CAPZA1: variants seen among roughly 807,000 people sequenced by gnomAD.
CAPZA1 encodes the protein capping actin protein of muscle Z-line subunit alpha 1.
In CAPZA1, 10 loss-of-function variants were observed where a neutral mutation model predicts 40.8. That is an observed-to-expected ratio of 0.25 (90% CI 0.15 to 0.42). The LOEUF is 0.42. Ranked by LOEUF, CAPZA1 falls within the 10% of genes least tolerant of loss-of-function variation. The pLI is 1.00. For synonymous variants in CAPZA1, 98 were observed against 115.0 expected, an observed-to-expected ratio of 0.85 and a Z score of 0.95; for missense variants, 277 against 353.8, an observed-to-expected ratio of 0.78 and a Z score of 1.74.
At chr1:112,631,608 C>G (rs1670917234) in intron 1 of CAPZA1, among the ~76,000 whole-genome samples, 1 of 152,194 alleles carries the variant, frequency 6.6e-6, no homozygotes, top group African/African-American at 2.4e-5. Flanking sequence ...TTGTTTCCCA[C>G]TGCTGCTTTT....
intron 1 of CAPZA1, among the ~76,000 whole-genome samples, chr1:112,640,658 C>G (rs958762887): frequency 3.9e-5 from 6 of 152,276 alleles, no homozygotes; most frequent in African/African-American, 1.4e-4. Flanking sequence ...GTGCCTCTGC[C>G]CGGCCGCCCC....
chr1:112,643,407 G>A (rs910459887), intron 1 of CAPZA1, among the ~76,000 whole-genome samples: 1 of 152,148 alleles, frequency 6.6e-6, no homozygotes, highest in Non-Finnish European at 1.5e-5. Flanking sequence ...TCAAGGCAGG[G>A]TTCTAAAACT....
chr1:112,647,244 C>T lies in CAPZA1; in HGVS notation c.74C>T (p.Pro25Leu). The stretch of plus-strand genomic sequence containing the variant: ...GCTGCTAAATTCATCACTCATGCAC[C>T]CCCAGGGGAATTTAATGAAGTATTC... ...RIAAKFITHA[P>L]PGEFNEVFND... Residue 25 changes from proline to leucine, a missense_variant, in exon 2 of 10, where the codon CCC (proline) becomes CTC (leucine). Pro to Leu is a moderately conservative substitution (Grantham distance 98, BLOSUM62 -3). This residue lies in a region of CAPZA1 where 85 missense variants were observed against 76.5 expected (regional missense o/e 1.11). Coordinates refer to ENST00000263168, the MANE Select transcript of CAPZA1 (RefSeq NM_006135.3). The T allele has an allele frequency of 6.6e-7, 1 of 1,523,340 alleles. No homozygotes were observed. The allele number at this position is 1,523,340 out of a possible 1,614,324, so 94.4% of individuals were successfully genotyped here.
At chr1:112,658,763 T>A (rs1406996434) in intron 5 of CAPZA1, among the ~76,000 whole-genome samples, 1 of 152,252 alleles carries the variant, frequency 6.6e-6, no homozygotes, top group Non-Finnish European at 1.5e-5. Flanking sequence ...CTGTCTTGTA[T>A]GACCCAGCCT....
chr1:112,663,725 G>A (rs995288595), intron 7 of CAPZA1, among the ~76,000 whole-genome samples: 1 of 151,538 alleles, frequency 6.6e-6, no homozygotes, highest in Non-Finnish European at 1.5e-5. Flanking sequence ...GGCTGGTCTC[G>A]AACTCCTGAC....
In CAPZA1 at chr1:112,670,367, T is replaced by C. The variant is rs72984529; in HGVS notation, c.*235T>C. The C allele has an allele frequency of 1.0e-2, 3,985 of 399,584 alleles. 78 individuals carry two copies. The highest frequency in any genetic ancestry group is 0.059 in the East Asian group (1,218 of 20,564). The allele number at this position is 399,584 out of a possible 1,614,324, so 24.8% of individuals were successfully genotyped here. ...CTACGTGTAAATCTTTTTTTCTTTT[T>C]TTTTTTTTTTTTTTGGTTAATTCTG... On this transcript the variant is annotated 3_prime_UTR_variant, in exon 10 of 10. Transcript: ENST00000263168.
intron 1 of CAPZA1, among the ~76,000 whole-genome samples, chr1:112,622,734 A>T (rs1557724491): frequency 6.6e-6 from 1 of 152,216 alleles, no homozygotes; most frequent in Admixed American, 6.5e-5. Context: ...TATTAAGAAA[A>T]ACTACATGCT....
At chr1:112,621,430 C>A (rs1670660297) in intron 1 of CAPZA1, among the ~76,000 whole-genome samples, 2 of 151,624 alleles carry the variant, frequency 1.3e-5, no homozygotes, top group African/African-American at 4.8e-5. Context: ...TTTTGTATTT[C>A]TTGTAGAGAG....
intron 1 of CAPZA1, among the ~76,000 whole-genome samples, chr1:112,630,163 C>G (rs894818319): frequency 3.9e-5 from 6 of 152,020 alleles, no homozygotes; most frequent in Admixed American, 3.9e-4. Context: ...CCACCTCAGC[C>G]TTTCTAATGA....
chr1:112,626,910 A>G (rs1670818899), intron 1 of CAPZA1, among the ~76,000 whole-genome samples: 1 of 152,268 alleles, frequency 6.6e-6, no homozygotes, highest in African/African-American at 2.4e-5. Flanking sequence ...AGAAAACAGC[A>G]TAATGGCAGA....
chr1:112,662,547 C>T (rs144774551), intron 7 of CAPZA1, among the ~76,000 whole-genome samples: 2,050 of 151,456 alleles, frequency 0.014, 24 homozygotes, highest in Non-Finnish European at 0.021. Context: ...CACAGGCGCC[C>T]GCCACCATAC....
intron 7 of CAPZA1, among the ~76,000 whole-genome samples, chr1:112,665,434 C>G (rs1383288266): frequency 1.3e-5 from 2 of 152,048 alleles, no homozygotes; most frequent in Non-Finnish European, 2.9e-5. Flanking sequence ...CCCGCCTTGG[C>G]CTCCCAAAGT....
intron 1 of CAPZA1, among the ~76,000 whole-genome samples, chr1:112,640,322 T>G (rs1570709388): frequency 4.0e-5 from 4 of 101,044 alleles, no homozygotes; most frequent in Non-Finnish European, 4.0e-5. Context: ...GGTGGGGGGG[T>G]CAGCCCCCCG....
rs1031155730 is a variant in CAPZA1, at chr1:112,668,017, G to A, written c.657+872G>A. Among the ~76,000 whole-genome samples the A allele has an allele frequency of 5.3e-5, 8 of 151,894 alleles. No individual in the cohort carries two copies. The East Asian group carries it at 1.4e-3, about 26-fold the overall frequency. ...CTGAGAAGTGTGGGCCGGGAGTGGT[G>A]GCTCACACCTGTAATCCCAGCACTT... is the stretch of plus-strand genomic sequence containing the variant. On this transcript the variant is annotated intron_variant, in intron 8 of 9. Coordinates refer to ENST00000263168, the MANE Select transcript of CAPZA1 (RefSeq NM_006135.3).
Position 112,667,125 on chromosome 1 carries a change from C to T in CAPZA1, c.637C>T (p.Gln213Ter). ...NVQLVSHKDVQDSLTVSNEAQ... is the reference protein window; with the variant it reads ...NVQLVSHKDV ...TCAGTTGGTTAGTCATAAAGATGTA[C>T]AGGATTCACTAACTGTTTCGGTGAG... The change falls in exon 8 of 10, where the codon CAG becomes TAG. Residue 213 changes from glutamine (Q) to a stop codon, truncating the protein, a stop_gained. Transcript: ENST00000263168. LOFTEE classifies it high-confidence loss of function. 6.2e-7 allele frequency: 1 copy of T among 1,609,276 alleles called. No homozygotes were observed. The highest frequency in any genetic ancestry group is 8.5e-7 in the Non-Finnish European group (1 of 1,176,486).
intron 5 of CAPZA1, among the ~76,000 whole-genome samples, chr1:112,655,742 T>C (rs1270218160): frequency 1.3e-5 from 2 of 152,048 alleles, no homozygotes; most frequent in Non-Finnish European, 2.9e-5. Flanking sequence ...TTTATATTTT[T>C]AGTAGAGACA....
At chr1:112,635,874 C>T (rs1403726934) in intron 1 of CAPZA1, among the ~76,000 whole-genome samples, 2 of 151,990 alleles carry the variant, frequency 1.3e-5, no homozygotes, top group Non-Finnish European at 2.9e-5. Flanking sequence ...ACTAAAAATG[C>T]AAAAATTAGC....
chr1:112,628,743 A>G (rs1670862179), intron 1 of CAPZA1, among the ~76,000 whole-genome samples: 1 of 152,210 alleles, frequency 6.6e-6, no homozygotes, highest in Non-Finnish European at 1.5e-5. Context: ...CTTCTCCTAC[A>G]GTCTGCCCGC....
In CAPZA1 at chr1:112,647,223, C is replaced by A; in HGVS notation, c.53C>A (p.Ala18Asp). Residue 18 changes from alanine (A) to aspartate (D), a missense_variant, in exon 2 of 10, where the codon GCT becomes GAT. Physicochemically the swap from Ala to Asp is moderately radical, Grantham distance 126. This residue lies in a region of CAPZA1 where 85 missense variants were observed against 76.5 expected (regional missense o/e 1.11). Coordinates refer to ENST00000263168, the MANE Select transcript of CAPZA1 (RefSeq NM_006135.3). ...VSDEEKVRIA[A>D]KFITHAPPGE... ...GTTTCTCTTTAGGTACGCATAGCTGCTAAATTCATCACTCATGCACCCCCA... is the reference window on the plus strand; with the variant it reads ...GTTTCTCTTTAGGTACGCATAGCTGATAAATTCATCACTCATGCACCCCCA... 6.5e-7 allele frequency: 1 copy of A among 1,529,280 alleles called. No homozygotes were observed. The highest frequency in any genetic ancestry group is 8.9e-7 in the Non-Finnish European group (1 of 1,129,482). The allele number at this position is 1,529,280 out of a possible 1,614,324, so 94.7% of individuals were successfully genotyped here.
Sources: allele counts gnomAD v4.1 joint callset (sites outside exome capture counted in the v4.1 genomes callset), GRCh38; gene constraint gnomAD v4.1.1; regional missense constraint gnomAD v4.1.1; transcripts MANE v1.5; gene names NCBI Gene and HGNC (gene_info 2026-07-23, HGNC 2026-07-21).